Variants in R3HCC1L observed in about 807,000 individuals in gnomAD.
The protein encoded by R3HCC1L is coiled-coil domain-containing protein R3HCC1L.
A neutral mutation model predicts 59.9 loss-of-function variants in R3HCC1L; 51 were observed. That is an observed-to-expected ratio of 0.85 (90% CI 0.68 to 1.07). The LOEUF (loss-of-function observed/expected upper bound fraction) is 1.07, where lower values mean the gene tolerates loss of function less well. Among genes scored for constraint, R3HCC1L ranks in the 50% least tolerant of loss-of-function variants. The pLI is 0.00. For synonymous variants in R3HCC1L, 322 were observed against 315.2 expected (o/e 1.02, Z -0.23); for missense variants, 965 against 933.0 (o/e 1.03, Z -0.45).
intron 4 of R3HCC1L, among the ~76,000 whole-genome samples, chr10:98,176,362 T>A (rs556242669): frequency 6.6e-6 from 1 of 152,204 alleles, no homozygotes; most frequent in Non-Finnish European, 1.5e-5. Context: ...AGAATTGATA[T>A]CTTAAATATT....
intron 9 of R3HCC1L, among the ~76,000 whole-genome samples, chr10:98,238,388 A>G (rs995024877): frequency 6.6e-6 from 1 of 152,184 alleles, no homozygotes; most frequent in African/African-American, 2.4e-5. Flanking sequence ...TTGAGTAGGG[A>G]AGAAAATATG....
intron 1 of R3HCC1L, among the ~76,000 whole-genome samples, chr10:98,150,493 T>C (rs1035680957): frequency 1.3e-4 from 20 of 152,384 alleles, no homozygotes; most frequent in African/African-American, 4.6e-4. Flanking sequence ...AGTGATTCTT[T>C]GTAATACATC....
At chr10:98,174,858 C>A in intron 4 of R3HCC1L, 1 of 822,544 alleles carries the variant, frequency 1.2e-6, no homozygotes, top group Non-Finnish European at 1.5e-6. Flanking sequence ...AAAATTCTTA[C>A]ATATTGATGT....
intron 1 of R3HCC1L, among the ~76,000 whole-genome samples, chr10:98,139,339 T>G (rs1413783470): frequency 1.3e-5 from 2 of 152,252 alleles, no homozygotes; most frequent in Non-Finnish European, 2.9e-5. Context: ...ATAAAACTCG[T>G]GACCTGTAGG....
chr10:98,208,072 C>T lies in R3HCC1L; in HGVS notation c.-14-29C>T, dbSNP rs753473340. ...TGGTTCAATACATTGTAATTAGTGTCTAATAATTAAATCATTCTTCTCTTG... is the reference window on the plus strand; with the variant it reads ...TGGTTCAATACATTGTAATTAGTGTTTAATAATTAAATCATTCTTCTCTTG... On this transcript the variant is annotated intron_variant, in intron 4 of 9. Transcript: ENST00000298999. 9.1e-6 allele frequency: 14 copies of T among 1,544,326 alleles called. No individual in the cohort carries two copies. The South Asian group carries it at 1.4e-4, about 15-fold the overall frequency.
chr10:98,188,253 C>T (rs1243310892), intron 4 of R3HCC1L, among the ~76,000 whole-genome samples: 1 of 152,166 alleles, frequency 6.6e-6, no homozygotes, highest in Non-Finnish European at 1.5e-5. Context: ...TAAGGTATTT[C>T]TTGCTTTCAA....
chr10:98,149,501 C>T (rs1219660827), intron 1 of R3HCC1L, among the ~76,000 whole-genome samples: 2 of 152,096 alleles, frequency 1.3e-5, no homozygotes, highest in African/African-American at 4.8e-5. Context: ...TTCCCTCTTA[C>T]CGCTGCTTTT....
intron 4 of R3HCC1L, among the ~76,000 whole-genome samples, chr10:98,171,549 C>T (rs982929077): frequency 6.6e-6 from 1 of 152,216 alleles, no homozygotes. Context: ...CAAACTAATT[C>T]TCTGTGAATA....
At chr10:98,193,440 A>G (rs1000001213) in intron 4 of R3HCC1L, among the ~76,000 whole-genome samples, 2 of 152,158 alleles carry the variant, frequency 1.3e-5, no homozygotes, top group South Asian at 2.1e-4. Flanking sequence ...AGGATACAAA[A>G]TCAACTCTCC....
chr10:98,181,320 C>A (rs757788702), intron 4 of R3HCC1L, among the ~76,000 whole-genome samples: 24 of 152,160 alleles, frequency 1.6e-4, no homozygotes, highest in Non-Finnish European at 3.4e-4. Flanking sequence ...GTTGAAAATT[C>A]TTTTCTTTAA....
intron 4 of R3HCC1L, among the ~76,000 whole-genome samples, chr10:98,169,914 C>CT (rs1396694516): frequency 3.5e-5 from 4 of 115,892 alleles, no homozygotes; most frequent in Non-Finnish European, 5.3e-5. Context: ...GGAGTGAGTG[C>CT]TTTTTTTTGG....
chr10:98,226,687 A>G (rs1040222934), intron 5 of R3HCC1L, among the ~76,000 whole-genome samples: 12 of 152,248 alleles, frequency 7.9e-5, no homozygotes, highest in African/African-American at 2.7e-4. Context: ...TACAGTAACC[A>G]AAACAGTGTG....
At chr10:98,204,511 G>A (rs1027608192) in intron 4 of R3HCC1L, among the ~76,000 whole-genome samples, 4 of 152,158 alleles carry the variant, frequency 2.6e-5, no homozygotes, top group Admixed American at 2.0e-4. Context: ...ATGGCAGGCA[G>A]CCCCACTCCC....
intron 5 of R3HCC1L, among the ~76,000 whole-genome samples, chr10:98,226,166 CT>C (rs1378552551): frequency 6.6e-6 from 1 of 152,122 alleles, no homozygotes; most frequent in African/African-American, 2.4e-5. Context: ...ATTTATATTT[CT>C]AAGATATTTT....
Position 98,209,919 on chromosome 10 carries a change from C to T in R3HCC1L, c.1785+20C>T, listed in dbSNP as rs1206224364. On this transcript the variant is annotated intron_variant, in intron 5 of 9. Transcript: ENST00000298999. ...CAAGAGGTATGTTTAATTGAAATTGCTTGATGCTTAGTTAGTTTATAAATT... is the reference window on the plus strand; with the variant it reads ...CAAGAGGTATGTTTAATTGAAATTGTTTGATGCTTAGTTAGTTTATAAATT... The T allele has an allele frequency of 1.9e-6, 3 of 1,565,790 alleles. No individual in the cohort carries two copies. In the African/African-American group the frequency reaches 4.1e-5, roughly 21 times the overall value.
intron 4 of R3HCC1L, among the ~76,000 whole-genome samples, chr10:98,194,150 C>G (rs1484435306): frequency 6.6e-6 from 1 of 152,006 alleles, no homozygotes; most frequent in Non-Finnish European, 1.5e-5. Context: ...AGACCAGTAG[C>G]ACAGACTAGA....
At chr10:98,180,620 T>G (rs552394231) in intron 4 of R3HCC1L, among the ~76,000 whole-genome samples, 1 of 152,218 alleles carries the variant, frequency 6.6e-6, no homozygotes, top group Non-Finnish European at 1.5e-5. Context: ...GATATCCTTG[T>G]TAACCTTCTG....
intron 5 of R3HCC1L, among the ~76,000 whole-genome samples, chr10:98,215,969 C>G (rs181724891): frequency 6.6e-6 from 1 of 152,058 alleles, no homozygotes; most frequent in Non-Finnish European, 1.5e-5. Context: ...TGGGAGAAGA[C>G]AGAACATGAG....
At chr10:98,236,283 C>T (rs935511927) in intron 9 of R3HCC1L, 119 bp downstream of exon 9, 5 of 1,312,516 alleles carry the variant, frequency 3.8e-6, no homozygotes, top group Admixed American at 2.7e-5. Context: ...CTAGAAGCCT[C>T]CTAAGTGTAT....
Sources: allele counts gnomAD v4.1 joint callset (sites outside exome capture counted in the v4.1 genomes callset), GRCh38; gene constraint gnomAD v4.1.1; transcripts MANE v1.5; gene names NCBI Gene and HGNC (gene_info 2026-07-23, HGNC 2026-07-21).